The following EDIL3 variants were observed in gnomAD, a reference collection of about 807,000 sequenced individuals.
EDIL3 encodes EGF like and discoidin domains 3.
Under a neutral mutation model 67.4 loss-of-function variants are expected in EDIL3, and 37 were observed. The observed-to-expected ratio is 0.55, with a 90% CI of 0.42 to 0.72. The LOEUF (loss-of-function observed/expected upper bound fraction) is 0.72, where lower values mean the gene tolerates loss of function less well. Ranked by LOEUF, EDIL3 falls within the 30% of genes least tolerant of loss-of-function variation. EDIL3 has a pLI of 0.00. For missense variants in EDIL3, 527 were observed against 586.3 expected, an observed-to-expected ratio of 0.90 and a Z score of 1.04; for synonymous variants, 195 against 196.3, an observed-to-expected ratio of 0.99 and a Z score of 0.05.
chr5:84,140,258 A>T (rs576560908), intron 4 of EDIL3, among the ~76,000 whole-genome samples: 1 of 152,266 alleles, frequency 6.6e-6, no homozygotes, highest in Non-Finnish European at 1.5e-5. Context: ...TCATTTTAAG[A>T]TTGAAATATA....
chr5:84,177,622 T>C (rs1183114537), intron 4 of EDIL3, among the ~76,000 whole-genome samples: 2 of 152,120 alleles, frequency 1.3e-5, no homozygotes, highest in Admixed American at 6.5e-5. Context: ...TTATAACAAA[T>C]GTATCACAGC....
intron 6 of EDIL3, among the ~76,000 whole-genome samples, chr5:84,081,576 C>T (rs182708951): frequency 4.6e-5 from 7 of 152,064 alleles, no homozygotes; most frequent in Admixed American, 3.9e-4. Context: ...AATGCACAAT[C>T]TCAGGGGCAG....
At chr5:84,257,103 T>C (rs911644835) in intron 1 of EDIL3, among the ~76,000 whole-genome samples, 1 of 152,172 alleles carries the variant, frequency 6.6e-6, no homozygotes, top group African/African-American at 2.4e-5. Context: ...AGGCCTACAG[T>C]CCTGATATAC....
At chr5:84,336,209 GTGGAAC>G in intron 1 of EDIL3, among the ~76,000 whole-genome samples, 1 of 152,274 alleles carries the variant, frequency 6.6e-6, no homozygotes, top group East Asian at 1.9e-4. Context: ...ATTCATGACA[GTGGAAC>G]TAGCATGTTC....
At chr5:84,356,864 G>A (rs1247411675) in intron 1 of EDIL3, among the ~76,000 whole-genome samples, 2 of 133,750 alleles carry the variant, frequency 1.5e-5, no homozygotes, top group Non-Finnish European at 3.2e-5. Flanking sequence ...TGGCTTTCAG[G>A]ACCTTGAGAA....
intron 1 of EDIL3, among the ~76,000 whole-genome samples, chr5:84,376,398 A>G (rs890133165): frequency 1.3e-5 from 2 of 152,234 alleles, no homozygotes; most frequent in Non-Finnish European, 2.9e-5. Context: ...CCAAAATCAA[A>G]TTTAGTCAGA....
chr5:84,287,239 G>A (rs1359793610), intron 1 of EDIL3, among the ~76,000 whole-genome samples: 3 of 152,078 alleles, frequency 2.0e-5, no homozygotes, highest in Non-Finnish European at 4.4e-5. Context: ...AGAAAAATGT[G>A]CTATGTGGAT....
chr5:84,295,083 G>A (rs1746018969), intron 1 of EDIL3, among the ~76,000 whole-genome samples: 1 of 151,784 alleles, frequency 6.6e-6, no homozygotes, highest in Admixed American at 6.6e-5. Flanking sequence ...ATAGTAGCCA[G>A]AAAAGAAAAA....
At chr5:84,302,969 CAGAG>C (rs55665353) in intron 1 of EDIL3, among the ~76,000 whole-genome samples, 1 of 151,850 alleles carries the variant, frequency 6.6e-6, no homozygotes, top group Non-Finnish European at 1.5e-5. Flanking sequence ...GAATCAAAAT[CAGAG>C]AGAGATAGGT....
intron 1 of EDIL3, among the ~76,000 whole-genome samples, chr5:84,258,355 C>T (rs936063954): frequency 7.2e-5 from 11 of 152,076 alleles, no homozygotes; most frequent in East Asian, 3.9e-4. Flanking sequence ...TGGGGATGGT[C>T]GGGACAGGAT....
chr5:83,988,791 C>T (rs971045235), intron 9 of EDIL3, among the ~76,000 whole-genome samples: 3 of 152,024 alleles, frequency 2.0e-5, no homozygotes, highest in Non-Finnish European at 4.4e-5. Flanking sequence ...TCCTAAAGAG[C>T]AACATAAGCC....
intron 6 of EDIL3, among the ~76,000 whole-genome samples, chr5:84,073,558 C>A (rs1483735667): frequency 6.6e-6 from 1 of 152,068 alleles, no homozygotes; most frequent in African/African-American, 2.4e-5. Flanking sequence ...CAACAACAGA[C>A]AAAAAGAGAG....
intron 9 of EDIL3, among the ~76,000 whole-genome samples, chr5:84,057,870 C>A (rs890522330): frequency 6.6e-6 from 1 of 152,070 alleles, no homozygotes; most frequent in Admixed American, 6.6e-5. Context: ...TTAAGAAAGT[C>A]AGGACAGGCA....
At chr5:84,064,020 G>A (rs187402356) in intron 8 of EDIL3, among the ~76,000 whole-genome samples, 1,862 of 152,150 alleles carry the variant, frequency 0.012, 16 homozygotes, top group South Asian at 0.018. Context: ...CACACATTAA[G>A]TCCTCATCTT....
At chr5:84,045,930 G>A (rs1337665740) in intron 9 of EDIL3, among the ~76,000 whole-genome samples, 1 of 152,078 alleles carries the variant, frequency 6.6e-6, no homozygotes, top group Non-Finnish European at 1.5e-5. Context: ...TAGCATTACT[G>A]GCTTTGAGGA....
intron 5 of EDIL3, among the ~76,000 whole-genome samples, chr5:84,135,222 G>T (rs997420539): frequency 6.6e-6 from 1 of 152,140 alleles, no homozygotes; most frequent in Non-Finnish European, 1.5e-5. Flanking sequence ...CCTAGGCAGG[G>T]TTCTTATGAT....
intron 1 of EDIL3, among the ~76,000 whole-genome samples, chr5:84,314,513 A>G (rs1366874254): frequency 6.6e-6 from 1 of 152,196 alleles, no homozygotes; most frequent in Non-Finnish European, 1.5e-5. Flanking sequence ...ATTAATATAG[A>G]TGTACAGAAA....
At chr5:84,176,204 TATATA>T (rs1748905678) in intron 4 of EDIL3, among the ~76,000 whole-genome samples, 2 of 20,212 alleles carry the variant, frequency 9.9e-5, no homozygotes, top group East Asian at 4.1e-3. Flanking sequence ...ATATAATATA[TATATA>T]TATATATATA....
chr5:84,065,121 G>A (rs1408926575), intron 7 of EDIL3, among the ~76,000 whole-genome samples: 1 of 152,032 alleles, frequency 6.6e-6, no homozygotes, highest in Non-Finnish European at 1.5e-5. Context: ...CAGAACCAGG[G>A]CAGCGCTCTT....
Sources: gnomAD v4.1 joint callset for allele counts (sites outside exome capture counted in the v4.1 genomes callset) on GRCh38, gnomAD v4.1.1 for gene constraint, MANE v1.5 for transcripts, NCBI Gene and HGNC (gene_info 2026-07-23, HGNC 2026-07-21) for gene names.